WDFY4: variants seen among roughly 807,000 people sequenced by gnomAD.
The protein encoded by WDFY4 is WD repeat- and FYVE domain-containing protein 4.
WDFY4 carries 169 observed loss-of-function variants against 351.9 expected under a neutral mutation model. The observed-to-expected ratio is 0.48, with a 90% CI of 0.42 to 0.55. The LOEUF (loss-of-function observed/expected upper bound fraction) is 0.55, where lower values mean the gene tolerates loss of function less well. Ranked by LOEUF, WDFY4 falls within the 20% of genes least tolerant of loss-of-function variation. The pLI is 0.00. For synonymous variants in WDFY4, 1,622 were observed against 1,574.6 expected (o/e 1.03, Z -0.71); for missense variants, 3,803 against 3,935.6 (o/e 0.97, Z 0.90).
Position 48,959,754 on chromosome 10 carries a change from G to A in WDFY4, c.8164G>A (p.Val2722Met), listed in dbSNP as rs1328223777. 8.4e-6 allele frequency: 13 copies of A among 1,551,562 alleles called. No homozygotes were observed. In the East Asian group the frequency reaches 1.2e-4, roughly 15 times the overall value. The change falls in exon 53 of 62, where the codon GTG becomes ATG. Residue 2722 changes from valine (V) to methionine (M), a missense_variant. Coordinates refer to ENST00000325239, the MANE Select transcript of WDFY4 (RefSeq NM_001394531.1). Reference sequence around the variant, plus strand: ...GCAGGACGGGACTGTGCTAGGAGACGTGCAGCTCCCTCCCTGGGCTGATGG... The same window carrying A: ...GCAGGACGGGACTGTGCTAGGAGACATGCAGCTCCCTCCCTGGGCTGATGG... ...CMQDGTVLGD[V>M]QLPPWADGDP... is the part of the protein sequence containing the mutation.
chr10:48,802,904 T>C, intron 24 of WDFY4: 1 of 475,552 alleles, frequency 2.1e-6, no homozygotes, highest in Admixed American at 2.4e-5. Context: ...CAGCCTCTAT[T>C]TTCTCATCTG....
At chr10:48,787,896 T>TC (rs2066498675) in intron 20 of WDFY4, among the ~76,000 whole-genome samples, 1 of 25,708 alleles carries the variant, frequency 3.9e-5, no homozygotes, top group Non-Finnish European at 7.5e-5. Flanking sequence ...TTCTTCTCCT[T>TC]CTTCTTCTTC....
At chr10:48,863,389 C>G (rs1366050350) in intron 39 of WDFY4, among the ~76,000 whole-genome samples, 1 of 152,156 alleles carries the variant, frequency 6.6e-6, no homozygotes, top group Non-Finnish European at 1.5e-5. Flanking sequence ...AACCATCCTA[C>G]TTGGTTGGCT....
intron 39 of WDFY4, among the ~76,000 whole-genome samples, chr10:48,845,537 G>T (rs2068746120): frequency 6.6e-6 from 1 of 152,188 alleles, no homozygotes; most frequent in Non-Finnish European, 1.5e-5. Flanking sequence ...GGAGGTGGAG[G>T]AGGAAAGATG....
At position 48,822,388 on chromosome 10, in the gene WDFY4, G is replaced by C; in HGVS notation, c.5833G>C (p.Glu1945Gln). 1 of 1,545,254 alleles carries C rather than the reference G, an allele frequency of 6.5e-7. No individual in the cohort carries two copies. The change falls in exon 35 of 62, where the codon GAG (glutamate) becomes CAG (glutamine). Residue 1945 changes from glutamate (E) to glutamine (Q), a missense_variant. Around this residue, in one of 3 missense-constraint regions of WDFY4, gnomAD observed 3,054 missense variants for 3,148.6 expected, o/e 0.97. Coordinates refer to ENST00000325239, the MANE Select transcript of WDFY4 (RefSeq NM_001394531.1). ...GTCCCCTCACTCCACAGACGGCAAA[G>C]AGCCTCAGCCAAGTGCAGAAGCTGC... ...GDAAMFRDGK[E>Q]PQPSAEAAAA...
chr10:48,943,776 G>T (rs1029191184), intron 49 of WDFY4, among the ~76,000 whole-genome samples: 1 of 152,098 alleles, frequency 6.6e-6, no homozygotes, highest in Non-Finnish European at 1.5e-5. Context: ...TTGTATTTTA[G>T]TAGAGAGGGG....
intron 12 of WDFY4, among the ~76,000 whole-genome samples, chr10:48,744,435 G>A (rs987473473): frequency 1.3e-5 from 2 of 152,092 alleles, no homozygotes; most frequent in African/African-American, 4.8e-5. Context: ...CAAATTAATT[G>A]GTTTCCTAAT....
intron 18 of WDFY4, among the ~76,000 whole-genome samples, chr10:48,779,293 A>G (rs1393202748): frequency 6.6e-6 from 1 of 152,200 alleles, no homozygotes; most frequent in African/African-American, 2.4e-5. Context: ...CATGCTTGGC[A>G]TGGCGCCCAG....
At chr10:48,960,528 G>A (rs953869622) in intron 53 of WDFY4, among the ~76,000 whole-genome samples, 5 of 152,160 alleles carry the variant, frequency 3.3e-5, no homozygotes, top group African/African-American at 1.2e-4. Context: ...TTAAAAATTT[G>A]CAGGTGCATT....
Position 48,897,394 on chromosome 10 carries a change from C to G in WDFY4, c.7317-60C>G, listed in dbSNP as rs1933782700. 1.3e-5 allele frequency: 20 copies of G among 1,529,754 alleles called. No homozygotes were observed. In the South Asian group the frequency reaches 2.0e-4, roughly 16 times the overall value. 94.8% of individuals were successfully genotyped at this position (1,529,754 alleles called of 1,614,324 possible). On this transcript the variant is annotated intron_variant, in intron 44 of 61. Transcript: ENST00000325239. ...GTGGAGGGCAGGAAGAAGAAGAAGC[C>G]TGCACGTGTCCTCACTCTGATGTCT...
At chr10:48,818,397 C>A (rs756237868) in intron 32 of WDFY4, among the ~76,000 whole-genome samples, 1 of 152,160 alleles carries the variant, frequency 6.6e-6, no homozygotes, top group African/African-American at 2.4e-5. Flanking sequence ...ATACCCATGG[C>A]GGCAGCCTCC....
At position 48,970,120 on chromosome 10, in the gene WDFY4, AT is replaced by A; in HGVS notation, c.8770-10del. On this transcript the variant is annotated splice_polypyrimidine_tract_variant and intron_variant, in intron 56 of 61. Coordinates refer to ENST00000325239, the MANE Select transcript of WDFY4 (RefSeq NM_001394531.1). ...CTCCACAGCAGCGCTCATCCCCCTT[AT>A]CTCCTACAGGTCCTGATGACATTCG... 6.4e-7 allele frequency: 1 copy of A among 1,550,878 alleles called. No homozygotes were observed. Among genetic ancestry groups the A allele is most frequent in the Non-Finnish European group, 8.7e-7 (1 of 1,146,844 alleles).
intron 40 of WDFY4, among the ~76,000 whole-genome samples, chr10:48,871,461 G>C (rs549632986): frequency 6.7e-4 from 101 of 150,340 alleles, no homozygotes; most frequent in African/African-American, 2.2e-3. Flanking sequence ...TTATTTTTCT[G>C]GTGGCCCCCC....
At chr10:48,896,525 AAGAG>A (rs1837084989) in intron 44 of WDFY4, among the ~76,000 whole-genome samples, 1 of 152,160 alleles carries the variant, frequency 6.6e-6, no homozygotes, top group Non-Finnish European at 1.5e-5. Flanking sequence ...CTCACCTCTG[AAGAG>A]ACCTCATCCT....
At chr10:48,736,906 A>G (rs1453886831) in intron 11 of WDFY4, among the ~76,000 whole-genome samples, 1 of 152,268 alleles carries the variant, frequency 6.6e-6, no homozygotes, top group African/African-American at 2.4e-5. Context: ...AGGCAGGGTT[A>G]TCATGTTTGG....
intron 58 of WDFY4, among the ~76,000 whole-genome samples, chr10:48,975,580 A>T (rs528531220): frequency 2.6e-4 from 40 of 152,306 alleles, no homozygotes; most frequent in Non-Finnish European, 4.9e-4. Flanking sequence ...CATAAATAAA[A>T]TGGGCAGAGG....
chr10:48,703,861 T>C (rs1282253192), intron 1 of WDFY4, among the ~76,000 whole-genome samples: 6 of 152,140 alleles, frequency 3.9e-5, no homozygotes. Flanking sequence ...GAGCGAGCTC[T>C]GATGATGCTA....
intron 45 of WDFY4, 52 bp downstream of exon 45, chr10:48,897,626 G>C: frequency 6.5e-7 from 1 of 1,529,412 alleles, no homozygotes; most frequent in Non-Finnish European, 8.8e-7. Flanking sequence ...GCAGGGCCAT[G>C]GGACAGGTGG....
intron 39 of WDFY4, among the ~76,000 whole-genome samples, chr10:48,861,374 G>A: frequency 6.6e-6 from 1 of 151,982 alleles, no homozygotes; most frequent in East Asian, 1.9e-4. Flanking sequence ...TTCTTATAGG[G>A]TAGCTTTGGT....
Sources: gnomAD v4.1 joint callset for allele counts (sites outside exome capture counted in the v4.1 genomes callset) on GRCh38, gnomAD v4.1.1 for gene constraint, gnomAD v4.1.1 regional missense constraint, MANE v1.5 for transcripts, NCBI Gene and HGNC (gene_info 2026-07-23, HGNC 2026-07-21) for gene names.